The following RAD51AP1 variants were observed in gnomAD, a reference collection of about 807,000 sequenced individuals.
RAD51AP1 encodes RAD51-associated protein 1.
Under a neutral mutation model 34.3 loss-of-function variants are expected in RAD51AP1, and 14 were observed. That is an observed-to-expected ratio of 0.41 (90% CI 0.27 to 0.64). RAD51AP1 has a LOEUF of 0.64. Among genes scored for constraint, RAD51AP1 ranks in the 30% least tolerant of loss-of-function variants. The pLI is 0.33. For missense variants in RAD51AP1, 348 were observed against 386.9 expected, an observed-to-expected ratio of 0.90 and a Z score of 0.84; for synonymous variants, 114 against 129.8, an observed-to-expected ratio of 0.88 and a Z score of 0.83.
chr12:4,559,111 C>T lies in RAD51AP1; in HGVS notation c.*118C>T. On this transcript the variant is annotated 3_prime_UTR_variant, in exon 9 of 9. Transcript: ENST00000352618. ...AATATAAAGGAATCCATTACCATGTCCTATAAATGACCTCTAGCCATTTTA... is the reference window on the plus strand; with the variant it reads ...AATATAAAGGAATCCATTACCATGTTCTATAAATGACCTCTAGCCATTTTA... The T allele has an allele frequency of 7.9e-7, 1 of 1,260,482 alleles. No homozygotes were observed. Among genetic ancestry groups the T allele is most frequent in the Non-Finnish European group, 1.1e-6 (1 of 914,642 alleles). The allele number at this position is 1,260,482 out of a possible 1,614,324, so 78.1% of individuals were successfully genotyped here. A position where few individuals can be genotyped will look rare whatever the true frequency, so the allele number is the denominator to read the frequency against.
chr12:4,556,253 T>G, intron 7 of RAD51AP1, 100 bp from the exon 8 acceptor site: 1 of 911,596 alleles, frequency 1.1e-6, no homozygotes, highest in Non-Finnish European at 1.7e-6. Context: ...TAAGTTTATT[T>G]TTTATATGAT....
chr12:4,552,343 G>C (rs1024811507), intron 6 of RAD51AP1, among the ~76,000 whole-genome samples: 2 of 152,154 alleles, frequency 1.3e-5, no homozygotes, highest in African/African-American at 4.8e-5. Context: ...TTCAAAATTA[G>C]ATCACTGGCT....
At chr12:4,551,476 C>T (rs1221929221) in intron 6 of RAD51AP1, among the ~76,000 whole-genome samples, 2 of 132,804 alleles carry the variant, frequency 1.5e-5, no homozygotes, top group African/African-American at 3.0e-5. Context: ...GCCTGGGCGA[C>T]AGAGTGAGGC....
chr12:4,548,717 T>C lies in RAD51AP1; in HGVS notation c.437T>C (p.Val146Ala). The change falls in exon 6 of 9, where the codon GTT (valine) becomes GCT (alanine). Residue 146 changes from valine to alanine, a missense_variant. Transcript: ENST00000352618. ...DLDKITVEDD[V>A]GGVQGKRKAA... ...GATAAGATTACTGTGGAAGATGATG[T>C]TGGTGGTGTTCAAGGGAAAAGAAAA... 8 of 1,614,024 alleles carry C rather than the reference T, an allele frequency of 5.0e-6. No homozygotes were observed. The highest frequency in any genetic ancestry group is 1.1e-5 in the South Asian group (1 of 91,062).
intron 3 of RAD51AP1, chr12:4,545,769 C>G: frequency 6.2e-7 from 1 of 1,612,728 alleles, no homozygotes; most frequent in Non-Finnish European, 8.5e-7. Flanking sequence ...CCACCCTCCT[C>G]CTTTAATTGC....
chr12:4,555,995 A>G (rs1305636778), intron 7 of RAD51AP1, among the ~76,000 whole-genome samples: 1 of 152,224 alleles, frequency 6.6e-6, no homozygotes, highest in East Asian at 1.9e-4. Flanking sequence ...TGTAATGGTT[A>G]GTTACAAGGA....
At chr12:4,546,492 T>G (rs1020999981) in intron 4 of RAD51AP1, 74 bp downstream of exon 4, 13 of 1,066,250 alleles carry the variant, frequency 1.2e-5, no homozygotes, top group Admixed American at 1.2e-4. Context: ...GGGTGGGCCT[T>G]CACAGAGGAA....
At chr12:4,542,790 GT>G (rs1944477217) in intron 2 of RAD51AP1, among the ~76,000 whole-genome samples, 2 of 152,206 alleles carry the variant, frequency 1.3e-5, no homozygotes, top group African/African-American at 4.8e-5. Flanking sequence ...CACAGCAGTA[GT>G]TTTACGTTGA....
chr12:4,558,241 A>G (rs1281247661), intron 8 of RAD51AP1, among the ~76,000 whole-genome samples: 1 of 152,206 alleles, frequency 6.6e-6, no homozygotes, highest in East Asian at 1.9e-4. Context: ...CTTTCAAACT[A>G]GAAAACAATA....
intron 3 of RAD51AP1, chr12:4,545,849 AT>A: frequency 1.2e-6 from 2 of 1,609,026 alleles, no homozygotes; most frequent in Non-Finnish European, 8.5e-7. Context: ...GCTTGGTAAA[AT>A]ATTTGTTAAA....
chr12:4,545,662 G>A (rs564318002), intron 3 of RAD51AP1: 34 of 938,760 alleles, frequency 3.6e-5, no homozygotes, highest in African/African-American at 5.0e-5. Context: ...TGTCTTTGAC[G>A]TTTTCTTCCT....
In RAD51AP1 at chr12:4,548,620, G is replaced by T; in HGVS notation, c.407-67G>T. 4 of 1,526,480 alleles carry T rather than the reference G, an allele frequency of 2.6e-6. No individual in the cohort carries two copies. The South Asian group carries it at 3.6e-5, about 14-fold the overall frequency. The allele number at this position is 1,526,480 out of a possible 1,614,324, so 94.6% of individuals were successfully genotyped here. A position where few individuals can be genotyped will look rare whatever the true frequency, so the allele number is the denominator to read the frequency against. On this transcript the variant is annotated intron_variant, in intron 5 of 8. Transcript: ENST00000352618. ...AAAACAATAGCTGTAATAGAGTCTG[G>T]TCTGCAGTTCTTGAAATATCAGTTG...
intron 6 of RAD51AP1, among the ~76,000 whole-genome samples, chr12:4,550,167 C>T (rs920356066): frequency 3.9e-5 from 6 of 152,126 alleles, no homozygotes; most frequent in Non-Finnish European, 7.4e-5. Flanking sequence ...TTTGGGAATT[C>T]CAACTCCCCA....
At chr12:4,548,316 T>C in intron 5 of RAD51AP1, 138 bp downstream of exon 5, 1 of 1,230,516 alleles carries the variant, frequency 8.1e-7, no homozygotes, top group Non-Finnish European at 1.1e-6. Flanking sequence ...TTTATTTCTT[T>C]GTGTTTTAGT....
In RAD51AP1 at chr12:4,543,794, C is replaced by G; in HGVS notation, c.99C>G (p.Asn33Lys). ...TTGTTTCTGCAACTGTACCTTTAAACAAGAAATCCAGAACAGCACCAAAGG... is the reference window on the plus strand; with the variant it reads ...TTGTTTCTGCAACTGTACCTTTAAAGAAGAAATCCAGAACAGCACCAAAGG... ...DDFVSATVPLNKKSRTAPKEL... is the reference protein window; with the variant it reads ...DDFVSATVPLKKKSRTAPKEL... Residue 33 changes from asparagine (N) to lysine (K), a missense_variant, in exon 3 of 9, where the codon AAC becomes AAG. By Grantham distance (94) the Asn-to-Lys change is moderately conservative. Transcript: ENST00000352618. 6.2e-7 allele frequency: 1 copy of G among 1,604,354 alleles called. No individual in the cohort carries two copies. The highest frequency in any genetic ancestry group is 8.5e-7 in the Non-Finnish European group (1 of 1,175,372).
In RAD51AP1 at chr12:4,559,223, G is replaced by A. The variant is rs1944604160; in HGVS notation, c.*230G>A. 2.4e-6 allele frequency: 1 copy of A among 424,520 alleles called. No homozygotes were observed. Among genetic ancestry groups the A allele is most frequent in the Admixed American group, 4.2e-5 (1 of 23,900 alleles). The allele number at this position is 424,520 out of a possible 1,614,324, so 26.3% of individuals were successfully genotyped here. ...CTTCTCATACCTTTCCTTGTGAAGAGCGTATTCTGTTTTTCTATCAGTTCG... is the reference window on the plus strand; with the variant it reads ...CTTCTCATACCTTTCCTTGTGAAGAACGTATTCTGTTTTTCTATCAGTTCG... On this transcript the variant is annotated 3_prime_UTR_variant, in exon 9 of 9. Coordinates refer to ENST00000352618, the MANE Select transcript of RAD51AP1 (RefSeq NM_006479.5).
At chr12:4,558,393 C>T (rs1017305840) in intron 8 of RAD51AP1, among the ~76,000 whole-genome samples, 8 of 151,630 alleles carry the variant, frequency 5.3e-5, no homozygotes, top group African/African-American at 1.9e-4. Flanking sequence ...GAAATAATTG[C>T]GACATTAGGA....
intron 1 of RAD51AP1, among the ~76,000 whole-genome samples, chr12:4,540,379 A>G (rs1944456331): frequency 1.3e-5 from 2 of 152,174 alleles, no homozygotes; most frequent in Non-Finnish European, 2.9e-5. Flanking sequence ...CTAGAGGTCT[A>G]TGAGGTCAAA....
intron 8 of RAD51AP1, among the ~76,000 whole-genome samples, chr12:4,557,207 A>G (rs531245698): frequency 2.0e-5 from 3 of 152,266 alleles, no homozygotes; most frequent in African/African-American, 4.8e-5. Context: ...TGCCTCTCTC[A>G]GGGCCTCTCT....
Sources: gnomAD v4.1 joint callset for allele counts (sites outside exome capture counted in the v4.1 genomes callset) on GRCh38, gnomAD v4.1.1 for gene constraint, MANE v1.5 for transcripts, NCBI Gene and HGNC (gene_info 2026-07-23, HGNC 2026-07-21) for gene names.